GNG7: variants seen among roughly 807,000 people sequenced by gnomAD.
The protein encoded by GNG7 is guanine nucleotide-binding protein G(I)/G(S)/G(O) subunit gamma-7.
In GNG7, 1 loss-of-function variant was observed where a neutral mutation model predicts 4.0. The ratio of observed to expected loss-of-function variants is 0.25; its 90% CI spans 0.09 to 1.18. The LOEUF (loss-of-function observed/expected upper bound fraction) is 1.18, where lower values mean the gene tolerates loss of function less well. GNG7 is among the 50% of genes most tolerant of loss of function. GNG7 has a pLI of 0.50. For missense variants in GNG7, 86 were observed against 91.9 expected (o/e 0.94, Z 0.26); for synonymous variants, 34 against 36.9 (o/e 0.92, Z 0.29).
intron 1 of GNG7, among the ~76,000 whole-genome samples, chr19:2,658,331 G>A (rs973234572): frequency 6.6e-6 from 1 of 152,130 alleles, no homozygotes; most frequent in Non-Finnish European, 1.5e-5. Flanking sequence ...AAGGGTCACT[G>A]TTGCATATTC....
rs1478543720 is a variant in GNG7 at position 2,546,601 on chromosome 19, G to A, written c.-38+8548C>T. On this transcript the variant is annotated intron_variant, in intron 3 of 4. Coordinates refer to ENST00000382159, the MANE Select transcript of GNG7 (RefSeq NM_052847.3). The surrounding 1 kb of genome is among the most constrained non-coding windows in gnomAD (Gnocchi z 6.3). ...GAGAGGGAATGAATGAGGTGCCCAC[G>A]AGAAAGTGAAAAATAGACCAGCGGG... Among the ~76,000 whole-genome samples, 4 of 152,202 alleles carry A rather than the reference G, an allele frequency of 2.6e-5. No homozygotes were observed. The highest frequency in any genetic ancestry group is 9.6e-5 in the African/African-American group (4 of 41,458).
intron 2 of GNG7, among the ~76,000 whole-genome samples, chr19:2,623,563 G>A (rs570868165): frequency 3.3e-5 from 5 of 152,318 alleles, no homozygotes; most frequent in African/African-American, 4.8e-5. Context: ...AGGACGTCAC[G>A]CTCAGTGAGA....
chr19:2,630,685 T>A (rs889647843), intron 2 of GNG7: 3 of 151,846 alleles, frequency 2.0e-5, no homozygotes, highest in Admixed American at 2.0e-4. Flanking sequence ...AACCTTCGGA[T>A]GAGAATGCAG....
intron 2 of GNG7, among the ~76,000 whole-genome samples, chr19:2,582,052 G>C (rs2144791874): frequency 6.6e-6 from 1 of 152,288 alleles, no homozygotes; most frequent in Admixed American, 6.5e-5. Context: ...GAGACAAAAA[G>C]TTGAGGTCCT....
At chr19:2,699,968 G>A (rs1295548902) in intron 1 of GNG7, among the ~76,000 whole-genome samples, 1 of 152,034 alleles carries the variant, frequency 6.6e-6, no homozygotes, top group African/African-American at 2.4e-5. Flanking sequence ...TACTTAACGA[G>A]CTTTGAGACT....
At chr19:2,567,118 A>T (rs1291653339) in intron 2 of GNG7, among the ~76,000 whole-genome samples, 3 of 44,652 alleles carry the variant, frequency 6.7e-5, no homozygotes, top group African/African-American at 2.3e-4. Flanking sequence ...TCTCAAAAAA[A>T]AAAACAAAAA....
chr19:2,592,759 G>GGGAGA (rs1980883586), intron 2 of GNG7, among the ~76,000 whole-genome samples: 1 of 112,626 alleles, frequency 8.9e-6, no homozygotes, highest in Non-Finnish European at 1.9e-5. Context: ...GGGAGGGGAG[G>GGGAGA]GGGAGGGGAA....
In GNG7 at chr19:2,512,034, T is replaced by C. The variant is rs1277588416; in HGVS notation, c.*2988A>G. 1 of 985,688 alleles carries C rather than the reference T, an allele frequency of 1.0e-6. No homozygotes were observed. The highest frequency in any genetic ancestry group is 1.2e-6 in the Non-Finnish European group (1 of 829,964). 61.1% of individuals were successfully genotyped at this position (985,688 alleles called of 1,614,324 possible). ...GGGAAGGCCCGTGGGAGACCCAGGC[T>C]ACAGAAGGAGAAACGGCCTTCTCTC... On this transcript the variant is annotated 3_prime_UTR_variant, in exon 5 of 5. Transcript: ENST00000382159. The surrounding 1 kb of genome is among the most constrained non-coding windows in gnomAD (Gnocchi z 4.7).
intron 2 of GNG7, among the ~76,000 whole-genome samples, chr19:2,630,351 T>C (rs2144841542): frequency 6.6e-6 from 1 of 152,158 alleles, no homozygotes; most frequent in Middle Eastern, 3.4e-3. Flanking sequence ...CCTGATTAGG[T>C]TGCTTTTCAG....
intron 2 of GNG7, among the ~76,000 whole-genome samples, chr19:2,593,649 C>T (rs1305076278): frequency 1.3e-5 from 2 of 151,680 alleles, no homozygotes; most frequent in Non-Finnish European, 1.5e-5. Flanking sequence ...GGTGCTGAGG[C>T]AGGAGAATCG....
Position 2,520,609 on chromosome 19 carries a change from T to C in GNG7, c.80A>G (p.Lys27Arg), listed in dbSNP as rs748944977. ...CTTCCTGATGCCCGCTGGGCTCACC[T>C]TGATGCGCTCAATCCCGGCTTCTAT... ...LRIEAGIERI[K>R]VSKAASDLMS... Residue 27 changes from lysine (K) to arginine (R), a missense_variant and splice_region_variant, in exon 4 of 5, where the codon AAG becomes AGG. By Grantham distance (26) the Lys-to-Arg change is conservative (BLOSUM62 2). Coordinates refer to ENST00000382159, the MANE Select transcript of GNG7 (RefSeq NM_052847.3). 1 of 1,535,922 alleles carries C rather than the reference T, an allele frequency of 6.5e-7. No individual in the cohort carries two copies. The highest frequency in any genetic ancestry group is 8.8e-7 in the Non-Finnish European group (1 of 1,131,358).
chr19:2,589,483 G>A (rs1271740596), intron 2 of GNG7, among the ~76,000 whole-genome samples: 1 of 147,256 alleles, frequency 6.8e-6, no homozygotes, highest in African/African-American at 2.5e-5. Context: ...GCCTCCCTAA[G>A]TGCTGAGATC....
At chr19:2,594,072 C>T (rs1458691578) in intron 2 of GNG7, among the ~76,000 whole-genome samples, 1 of 151,968 alleles carries the variant, frequency 6.6e-6, no homozygotes, top group Admixed American at 6.6e-5. Flanking sequence ...AAGTTGTTTA[C>T]AGAAACTGCA....
At chr19:2,538,185 G>T in intron 3 of GNG7, 1 of 456,698 alleles carries the variant, frequency 2.2e-6, no homozygotes, top group Non-Finnish European at 4.4e-6. Flanking sequence ...ATCTTCTGAC[G>T]ATGATGACTT....
intron 1 of GNG7, among the ~76,000 whole-genome samples, chr19:2,655,857 A>ATATATATATATATATATAT (rs1568275796): frequency 7.5e-6 from 1 of 134,174 alleles, no homozygotes; most frequent in African/African-American, 3.3e-5. Context: ...AAAAAAAAAA[A>ATATATATATATATATATAT]AAATACATAT....
At chr19:2,636,947 C>G (rs1324695122) in intron 2 of GNG7, among the ~76,000 whole-genome samples, 5 of 151,664 alleles carry the variant, frequency 3.3e-5, no homozygotes, top group Non-Finnish European at 5.9e-5. Flanking sequence ...TCCGTCCCCA[C>G]TTGTGCCCAC....
At chr19:2,570,761 G>A (rs1267159885) in intron 2 of GNG7, among the ~76,000 whole-genome samples, 1 of 152,112 alleles carries the variant, frequency 6.6e-6, no homozygotes, top group African/African-American at 2.4e-5. Context: ...ATTCACACAA[G>A]GAAACAAAAC....
chr19:2,690,472 A>G (rs1913112594), intron 1 of GNG7, among the ~76,000 whole-genome samples: 1 of 152,232 alleles, frequency 6.6e-6, no homozygotes, highest in African/African-American at 2.4e-5. Flanking sequence ...GAGGTGGCCC[A>G]AGGGCGGTGG....
At chr19:2,678,855 T>C (rs60436520) in intron 1 of GNG7, among the ~76,000 whole-genome samples, 41,028 of 151,864 alleles carry the variant, frequency 0.27, 6,002 homozygotes, top group East Asian at 0.56. Context: ...TCCTCCGTCA[T>C]GCAGCCTTCG....
Sources: gnomAD v4.1 joint callset for allele counts (sites outside exome capture counted in the v4.1 genomes callset) on GRCh38, gnomAD v4.1.1 for gene constraint, Gnocchi (gnomAD v3.1) non-coding constraint, MANE v1.5 for transcripts, NCBI Gene and HGNC (gene_info 2026-07-23, HGNC 2026-07-21) for gene names.